PIK3R4: variants seen among roughly 807,000 people sequenced by gnomAD.
PIK3R4 encodes phosphoinositide 3-kinase regulatory subunit 4.
A neutral mutation model predicts 136.5 loss-of-function variants in PIK3R4; 46 were observed. That is an observed-to-expected ratio of 0.34 (90% CI 0.27 to 0.43). PIK3R4 has a LOEUF of 0.43. PIK3R4 is among the 20% of genes least tolerant of loss of function. PIK3R4 has a pLI of 1.00. For missense variants in PIK3R4, 1,331 were observed against 1,649.5 expected (o/e 0.81, Z 3.35); for synonymous variants, 557 against 566.7 (o/e 0.98, Z 0.24).
intron 2 of PIK3R4, among the ~76,000 whole-genome samples, chr3:130,742,385 T>G (rs1327497476): frequency 6.6e-6 from 1 of 152,122 alleles, no homozygotes; most frequent in Admixed American, 6.5e-5. Flanking sequence ...CTATGAATGA[T>G]CCCCTGAAGT....
At chr3:130,683,095 T>G (rs1474715538) in intron 16 of PIK3R4, among the ~76,000 whole-genome samples, 1 of 152,110 alleles carries the variant, frequency 6.6e-6, no homozygotes, top group Non-Finnish European at 1.5e-5. Context: ...GGAAGTGGGA[T>G]GAGAAAAAGA....
intron 6 of PIK3R4, among the ~76,000 whole-genome samples, chr3:130,727,189 C>T (rs906550982): frequency 6.6e-6 from 1 of 152,020 alleles, no homozygotes; most frequent in Admixed American, 6.6e-5. Context: ...AAACAGCAAA[C>T]CTTTCCTAGA....
intron 13 of PIK3R4, among the ~76,000 whole-genome samples, chr3:130,694,253 A>T (rs1039412820): frequency 5.3e-5 from 8 of 151,876 alleles, no homozygotes; most frequent in Admixed American, 5.2e-4. Flanking sequence ...TGTTTTGGTT[A>T]TTCTGAGTCT....
chr3:130,725,803 T>G (rs1230957191), intron 6 of PIK3R4: 5 of 151,998 alleles, frequency 3.3e-5, no homozygotes, highest in Non-Finnish European at 5.9e-5. Context: ...TTAAAATTCA[T>G]AGAATTAGAA....
intron 19 of PIK3R4, 63 bp from the exon 20 acceptor site, chr3:130,679,548 G>A (rs1213871536): frequency 4.3e-5 from 49 of 1,142,728 alleles, no homozygotes; most frequent in Admixed American, 1.4e-4. Context: ...TTTTCCTCTC[G>A]TCAGTAGTCC....
Position 130,734,005 on chromosome 3 carries a change from A to C in PIK3R4, c.993T>G (p.Phe331Leu). ...YTFLQPYMAQ[F>L]AKETFLSADE... ...CTGCAGAAAGAAACGTTTCCTTGGC[A>C]AACTGGGCCATGTAGGGCTGAAGAA... is the stretch of plus-strand genomic sequence containing the variant. Residue 331 changes from phenylalanine to leucine, a missense_variant, in exon 4 of 20, where the codon TTT becomes TTG. Phe to Leu is a conservative substitution (Grantham distance 22). Coordinates refer to ENST00000356763, the MANE Select transcript of PIK3R4 (RefSeq NM_014602.3). 1.9e-6 allele frequency: 3 copies of C among 1,614,182 alleles called. No individual in the cohort carries two copies. Among genetic ancestry groups the C allele is most frequent in the Non-Finnish European group, 2.5e-6 (3 of 1,179,996 alleles).
At chr3:130,688,200 A>G (rs1440323613) in intron 14 of PIK3R4, among the ~76,000 whole-genome samples, 1 of 152,208 alleles carries the variant, frequency 6.6e-6, no homozygotes, top group Non-Finnish European at 1.5e-5. Context: ...CCTGGCTCTC[A>G]TAACTACAAT....
At chr3:130,729,696 T>G (rs1330272922) in intron 5 of PIK3R4, among the ~76,000 whole-genome samples, 3 of 152,174 alleles carry the variant, frequency 2.0e-5, no homozygotes, top group African/African-American at 7.2e-5. Context: ...TGTAGTTGTT[T>G]GCAGCATAAA....
intron 13 of PIK3R4, among the ~76,000 whole-genome samples, chr3:130,698,742 T>C (rs1340079650): frequency 6.6e-6 from 1 of 152,238 alleles, no homozygotes; most frequent in Non-Finnish European, 1.5e-5. Context: ...TTCAAAACTG[T>C]GCATTCAAAA....
At position 130,744,980 on chromosome 3, in the gene PIK3R4, G is replaced by A. The variant is rs757192893; in HGVS notation, c.239C>T (p.Ser80Phe). Reference sequence around the variant, plus strand: ...CTGGAAAGGTAGACAATTCTGTGCAGAATTAAGCCTGATTTTCAGTTCCTC... The same window carrying A: ...CTGGAAAGGTAGACAATTCTGTGCAAAATTAAGCCTGATTTTCAGTTCCTC... Reference protein sequence around the residue: ...ELEELKIRLNSAQNCLPFQKA... With the variant: ...ELEELKIRLNFAQNCLPFQKA... Residue 80 changes from serine (S) to phenylalanine (F), a missense_variant, in exon 2 of 20, where the codon TCT (serine) becomes TTT (phenylalanine). This residue lies in a region of PIK3R4 where 151 missense variants were observed against 242.5 expected (regional missense o/e 0.62). Transcript: ENST00000356763. The A allele has an allele frequency of 1.2e-6, 2 of 1,614,098 alleles. No individual in the cohort carries two copies. Among genetic ancestry groups the A allele is most frequent in the Admixed American group, 1.7e-5 (1 of 59,994 alleles).
intron 2 of PIK3R4, among the ~76,000 whole-genome samples, chr3:130,740,627 C>T (rs2107622595): frequency 6.6e-6 from 1 of 152,200 alleles, no homozygotes; most frequent in African/African-American, 2.4e-5. Context: ...GCAATCCCAG[C>T]TACTCAGGAG....
rs1321884404 is a variant in PIK3R4, at chr3:130,680,608, A to G, written c.3906+5T>C. 1.3e-6 allele frequency: 2 copies of G among 1,495,314 alleles called. No homozygotes were observed. The highest frequency in any genetic ancestry group is 1.9e-6 in the Non-Finnish European group (2 of 1,076,178). 92.6% of individuals were successfully genotyped at this position (1,495,314 alleles called of 1,614,324 possible). On this transcript the variant is annotated splice_donor_5th_base_variant and intron_variant, in intron 19 of 19. Transcript: ENST00000356763. Reference sequence around the variant, plus strand: ...AAGGTGAAAGGAATGAAAAGACTACAGTACCTGGACAACTTCAGTGCCTTC... The same window carrying G: ...AAGGTGAAAGGAATGAAAAGACTACGGTACCTGGACAACTTCAGTGCCTTC...
chr3:130,741,337 C>A (rs1433637555), intron 2 of PIK3R4, among the ~76,000 whole-genome samples: 3 of 152,184 alleles, frequency 2.0e-5, no homozygotes. Context: ...CAGAAGAAAC[C>A]AACCCTGTTA....
At chr3:130,714,439 G>A (rs1020832853) in intron 9 of PIK3R4, among the ~76,000 whole-genome samples, 2 of 152,088 alleles carry the variant, frequency 1.3e-5, no homozygotes, top group African/African-American at 4.8e-5. Context: ...ACAGGCATGA[G>A]CCAACATGCC....
rs777517948 is a variant in PIK3R4 at position 130,708,272 on chromosome 3, C to T, written c.2533+19G>A. ...AACTAACAACAACAAGCTACACACA[C>T]ACAAACAAGCATACTAACCCCGTTT... On this transcript the variant is annotated intron_variant, in intron 10 of 19. Transcript: ENST00000356763. The T allele has an allele frequency of 1.9e-6, 3 of 1,592,394 alleles. No homozygotes were observed. Among genetic ancestry groups the T allele is most frequent in the South Asian group, 1.1e-5 (1 of 90,538 alleles).
chr3:130,679,229 C>A lies in PIK3R4; in HGVS notation c.*86G>T. On this transcript the variant is annotated 3_prime_UTR_variant, in exon 20 of 20. Coordinates refer to ENST00000356763, the MANE Select transcript of PIK3R4 (RefSeq NM_014602.3). The stretch of plus-strand genomic sequence containing the variant: ...TGGAGACATAATTTTGAAAATTAAG[C>A]AAATGAATCTGTTCTCTAGAAATGC... The A allele has an allele frequency of 1.2e-6, 1 of 803,308 alleles. No individual in the cohort carries two copies. Among genetic ancestry groups the A allele is most frequent in the Non-Finnish European group, 1.8e-6 (1 of 560,222 alleles). The allele number at this position is 803,308 out of a possible 1,614,324, so 49.8% of individuals were successfully genotyped here. A position where few individuals can be genotyped will look rare whatever the true frequency, so the allele number is the denominator to read the frequency against.
intron 9 of PIK3R4, among the ~76,000 whole-genome samples, chr3:130,710,582 G>A (rs2066628009): frequency 6.6e-6 from 1 of 151,862 alleles, no homozygotes; most frequent in Admixed American, 6.6e-5. Flanking sequence ...TTTAAATAAG[G>A]CAAGGAAAAC....
chr3:130,685,630 G>A (rs1357020960), intron 15 of PIK3R4, among the ~76,000 whole-genome samples: 1 of 152,172 alleles, frequency 6.6e-6, no homozygotes, highest in Admixed American at 6.5e-5. Flanking sequence ...TTAAAATCCT[G>A]CTTAAGCAAG....
chr3:130,707,457 C>T (rs899952710), intron 10 of PIK3R4, among the ~76,000 whole-genome samples: 27 of 152,106 alleles, frequency 1.8e-4, no homozygotes, highest in Non-Finnish European at 8.8e-5. Context: ...TTTTAATTTG[C>T]ATTTATTAAA....
Sources: gnomAD v4.1 joint callset for allele counts (sites outside exome capture counted in the v4.1 genomes callset) on GRCh38, gnomAD v4.1.1 for gene constraint, gnomAD v4.1.1 regional missense constraint, MANE v1.5 for transcripts, NCBI Gene and HGNC (gene_info 2026-07-23, HGNC 2026-07-21) for gene names.